The following CSMD1 variants were observed in gnomAD, a reference collection of about 807,000 sequenced individuals.
CSMD1 encodes CUB and Sushi multiple domains 1, also known as CUB and sushi domain-containing protein 1.
A neutral mutation model predicts 417.5 loss-of-function variants in CSMD1; 213 were observed. That is an observed-to-expected ratio of 0.51 (90% CI 0.46 to 0.57). The LOEUF (loss-of-function observed/expected upper bound fraction) is 0.57, where lower values mean the gene tolerates loss of function less well. Ranked by LOEUF, CSMD1 falls within the 20% of genes least tolerant of loss-of-function variation. The pLI is 0.00. For synonymous variants in CSMD1, 2,862 were observed against 1,736.8 expected, an observed-to-expected ratio of 1.65 and a Z score of -16.11; for missense variants, 6,923 against 4,529.7, an observed-to-expected ratio of 1.53 and a Z score of -15.17.
rs1797813457 is a variant in CSMD1 at position 4,298,648 on chromosome 8, T to G, written c.415+121305A>C. ...GTTATAGAACATCACAATTTAGTTT[T>G]AATACAGTTCTAAGAAGTTATTTCA... is the stretch of plus-strand genomic sequence containing the variant. On this transcript the variant is annotated intron_variant, in intron 3 of 69. Transcript: ENST00000635120. Among the ~76,000 whole-genome samples, 3 of 152,138 alleles carry G rather than the reference T, an allele frequency of 2.0e-5. No individual in the cohort carries two copies. In the South Asian group the frequency reaches 6.2e-4, roughly 31 times the overall value.
intron 2 of CSMD1, among the ~76,000 whole-genome samples, chr8:4,543,229 C>T (rs1797479153): frequency 6.6e-6 from 1 of 152,156 alleles, no homozygotes; most frequent in Admixed American, 6.5e-5. Context: ...CAAAGTCATG[C>T]ATCCACCATT....
chr8:3,918,163 A>T (rs1808956913), intron 5 of CSMD1, among the ~76,000 whole-genome samples: 3 of 152,084 alleles, frequency 2.0e-5, no homozygotes, highest in Admixed American at 2.0e-4. Flanking sequence ...CATGGGAGTG[A>T]AAGTGTGTGT....
At chr8:3,454,876 A>G (rs1816003728) in intron 12 of CSMD1, among the ~76,000 whole-genome samples, 1 of 152,070 alleles carries the variant, frequency 6.6e-6, no homozygotes, top group Non-Finnish European at 1.5e-5. Flanking sequence ...TAGATTGGGG[A>G]AGTTCTCCTG....
chr8:4,088,696 A>T (rs1026994007), intron 3 of CSMD1, among the ~76,000 whole-genome samples: 4 of 152,132 alleles, frequency 2.6e-5, no homozygotes, highest in South Asian at 2.1e-4. Flanking sequence ...GTTCATTGCA[A>T]TCAGCTCCCC....
intron 1 of CSMD1, among the ~76,000 whole-genome samples, chr8:4,829,237 C>T (rs1800002870): frequency 2.0e-5 from 3 of 152,122 alleles, no homozygotes; most frequent in Admixed American, 2.0e-4. Flanking sequence ...AATTTTAAAA[C>T]ATTAACCATT....
intron 1 of CSMD1, among the ~76,000 whole-genome samples, chr8:4,680,933 C>G (rs1414059628): frequency 7.0e-6 from 1 of 142,852 alleles, no homozygotes; most frequent in East Asian, 2.1e-4. Flanking sequence ...ACACAAACCC[C>G]TAATCTATCT....
intron 21 of CSMD1, among the ~76,000 whole-genome samples, chr8:3,352,587 C>T (rs1808489833): frequency 1.3e-5 from 2 of 152,166 alleles, no homozygotes; most frequent in African/African-American, 2.4e-5. Flanking sequence ...CATCTGTAAT[C>T]CTAGCAGTTT....
At chr8:3,451,698 A>G (rs1815731258) in intron 12 of CSMD1, among the ~76,000 whole-genome samples, 2 of 152,160 alleles carry the variant, frequency 1.3e-5, no homozygotes, top group African/African-American at 2.4e-5. Flanking sequence ...AACCAGTACC[A>G]TGCTGTTTTG....
At chr8:4,668,959 T>C (rs2130941309) in intron 1 of CSMD1, among the ~76,000 whole-genome samples, 1 of 152,304 alleles carries the variant, frequency 6.6e-6, no homozygotes, top group South Asian at 2.1e-4. Context: ...TGAACTAGTG[T>C]TAGCTTTATT....
chr8:3,203,899 C>G (rs1235116997), intron 31 of CSMD1, among the ~76,000 whole-genome samples: 2 of 152,200 alleles, frequency 1.3e-5, no homozygotes, highest in Non-Finnish European at 2.9e-5. Flanking sequence ...TGGTAAGGAT[C>G]ACATCACCCC....
chr8:4,662,442 C>G (rs986008234), intron 1 of CSMD1, among the ~76,000 whole-genome samples: 1 of 152,112 alleles, frequency 6.6e-6, no homozygotes, highest in African/African-American at 2.4e-5. Context: ...TTTAATAACA[C>G]TAATTTCTTT....
chr8:3,217,293 T>A (rs538374291), intron 29 of CSMD1, among the ~76,000 whole-genome samples: 1 of 152,362 alleles, frequency 6.6e-6, no homozygotes, highest in Non-Finnish European at 1.5e-5. Flanking sequence ...GGAGAGCTTT[T>A]AAAACCTCAG....
intron 7 of CSMD1, among the ~76,000 whole-genome samples, chr8:3,653,243 T>A (rs1287853250): frequency 6.6e-6 from 1 of 152,124 alleles, no homozygotes; most frequent in African/African-American, 2.4e-5. Flanking sequence ...TTGTCTCATA[T>A]AAATATCAAA....
At chr8:4,442,347 T>C (rs1176971427) in intron 2 of CSMD1, among the ~76,000 whole-genome samples, 1 of 152,102 alleles carries the variant, frequency 6.6e-6, no homozygotes, top group African/African-American at 2.4e-5. Flanking sequence ...TTCCAAACTA[T>C]CCCATTCCCA....
intron 7 of CSMD1, among the ~76,000 whole-genome samples, chr8:3,681,441 T>G (rs1398511191): frequency 1.3e-5 from 2 of 152,116 alleles, no homozygotes; most frequent in East Asian, 1.9e-4. Context: ...CATTGACAAT[T>G]GTTTCAAAGA....
At chr8:4,354,105 A>G (rs1801258490) in intron 3 of CSMD1, among the ~76,000 whole-genome samples, 1 of 152,190 alleles carries the variant, frequency 6.6e-6, no homozygotes, top group African/African-American at 2.4e-5. Flanking sequence ...TATTCTCGTT[A>G]ACTTGCCCAA....
At chr8:4,200,785 G>A (rs781692804) in intron 3 of CSMD1, among the ~76,000 whole-genome samples, 1 of 152,186 alleles carries the variant, frequency 6.6e-6, no homozygotes, top group Non-Finnish European at 1.5e-5. Flanking sequence ...TTTGTTAATG[G>A]AGACGGAGGC....
chr8:3,983,100 C>G (rs1814016093), intron 5 of CSMD1, among the ~76,000 whole-genome samples: 1 of 150,792 alleles, frequency 6.6e-6, no homozygotes, highest in Non-Finnish European at 1.5e-5. Context: ...TAAAACGCCT[C>G]AGACATCGTT....
intron 2 of CSMD1, among the ~76,000 whole-genome samples, chr8:4,498,893 G>C (rs1320837405): frequency 6.6e-6 from 1 of 152,112 alleles, no homozygotes; most frequent in Non-Finnish European, 1.5e-5. Context: ...TAGCAATGAA[G>C]ATGAAAATGA....
Sources: allele counts gnomAD v4.1 joint callset (sites outside exome capture counted in the v4.1 genomes callset), GRCh38; gene constraint gnomAD v4.1.1; transcripts MANE v1.5; gene names NCBI Gene and HGNC (gene_info 2026-07-23, HGNC 2026-07-21).